The following ENPP6 variants were observed in gnomAD, a reference collection of about 807,000 sequenced individuals.
The protein encoded by ENPP6 is ectonucleotide pyrophosphatase/phosphodiesterase 6.
ENPP6 carries 32 observed loss-of-function variants against 42.0 expected under a neutral mutation model. That is an observed-to-expected ratio of 0.76 (90% confidence interval 0.58 to 1.02). The LOEUF is 1.02. Ranked by LOEUF, ENPP6 falls within the 50% of genes least tolerant of loss-of-function variation. The pLI is 0.00. For missense variants in ENPP6, 552 were observed against 566.8 expected (o/e 0.97, Z 0.27); for synonymous variants, 213 against 216.0 (o/e 0.99, Z 0.12).
intron 2 of ENPP6, among the ~76,000 whole-genome samples, chr4:184,131,236 T>TTTC (rs1736620347): frequency 2.2e-4 from 4 of 18,134 alleles, no homozygotes; most frequent in Non-Finnish European, 3.8e-4. Context: ...CTTTCTTTCC[T>TTTC]TTTCTTTCTT....
intron 1 of ENPP6, among the ~76,000 whole-genome samples, chr4:184,179,526 T>C (rs1249266825): frequency 6.6e-6 from 1 of 152,228 alleles, no homozygotes; most frequent in Non-Finnish European, 1.5e-5. Context: ...GATAGATATC[T>C]ACAGAACTTT....
chr4:184,157,577 T>A (rs371710204), intron 1 of ENPP6, among the ~76,000 whole-genome samples: 1 of 150,868 alleles, frequency 6.6e-6, no homozygotes, highest in South Asian at 2.1e-4. Context: ...TTTCTTTCCT[T>A]TTTTTCCTTC....
intron 1 of ENPP6, among the ~76,000 whole-genome samples, chr4:184,183,360 T>C (rs1732584655): frequency 6.6e-6 from 1 of 152,234 alleles, no homozygotes; most frequent in Non-Finnish European, 1.5e-5. Flanking sequence ...ATGAATATTG[T>C]AAGCGTAGAC....
At chr4:184,105,610 G>A (rs1315166830) in intron 6 of ENPP6, among the ~76,000 whole-genome samples, 2 of 152,124 alleles carry the variant, frequency 1.3e-5, no homozygotes, top group Non-Finnish European at 2.9e-5. Context: ...TGCAGAGAGA[G>A]TGAATTGAGG....
rs142775949 is a variant in ENPP6, at chr4:184,098,957, T to C, written c.994-1589A>G. ...AGCTACCAGCAATTTACAGGTTGGC[T>C]CACAAGACTAGTATCATGTGTTTAG... On this transcript the variant is annotated intron_variant, in intron 6 of 7. Coordinates refer to ENST00000296741, the MANE Select transcript of ENPP6 (RefSeq NM_153343.4). 2.3e-3 allele frequency among the ~76,000 whole-genome samples: 351 copies of C among 152,358 alleles called. 1 individual carries two copies. The Middle Eastern group carries it at 0.024, about 10-fold the overall frequency.
chr4:184,172,945 T>C (rs1257683318), intron 1 of ENPP6, among the ~76,000 whole-genome samples: 1 of 152,116 alleles, frequency 6.6e-6, no homozygotes, highest in Non-Finnish European at 1.5e-5. Context: ...ATGAAGTCTC[T>C]CTCTGTCTCC....
At chr4:184,209,547 A>G (rs1264347142) in intron 1 of ENPP6, among the ~76,000 whole-genome samples, 1 of 151,698 alleles carries the variant, frequency 6.6e-6, no homozygotes, top group Non-Finnish European at 1.5e-5. Flanking sequence ...AAAAGAATAA[A>G]AAGAAATGAG....
chr4:184,113,929 T>TTCTTTCTTTC (rs1187482281), intron 5 of ENPP6, among the ~76,000 whole-genome samples: 17 of 142,046 alleles, frequency 1.2e-4, no homozygotes. Flanking sequence ...CTTTCTTTCT[T>TTCTTTCTTTC]TCTTTCTTTC....
chr4:184,148,209 TG>T (rs1736960015), intron 2 of ENPP6, among the ~76,000 whole-genome samples: 1 of 152,242 alleles, frequency 6.6e-6, no homozygotes, highest in African/African-American at 2.4e-5. Context: ...CTTTTGCTCA[TG>T]GTTGTCTCCT....
chr4:184,092,469 C>G (rs1735824421), intron 7 of ENPP6, among the ~76,000 whole-genome samples: 1 of 152,186 alleles, frequency 6.6e-6, no homozygotes, highest in African/African-American at 2.4e-5. Flanking sequence ...CAAGAACACA[C>G]AGGTAGGGTG....
Position 184,153,570 on chromosome 4 carries a change from G to A in ENPP6, c.405C>T (p.Tyr135=), listed in dbSNP as rs1446055878. Residue 135 remains tyrosine (Y), a synonymous_variant, in exon 2 of 8, where the codon TAC becomes TAT. Coordinates refer to ENST00000296741, the MANE Select transcript of ENPP6 (RefSeq NM_153343.4). The stretch of plus-strand genomic sequence containing the variant: ...CACACTCACCTGGCCAGTAGTACAT[G>A]TAGACCTTCCTTTTGGCCTTGGTCA... ...VTLTKAKRKV[Y]MYYWPGCEVE... 1.2e-6 allele frequency: 2 copies of A among 1,614,006 alleles called. No homozygotes were observed. Among genetic ancestry groups the A allele is most frequent in the South Asian group, 1.1e-5 (1 of 91,034 alleles).
chr4:184,107,214 A>G (rs2111337221), intron 6 of ENPP6, among the ~76,000 whole-genome samples: 1 of 152,354 alleles, frequency 6.6e-6, no homozygotes, highest in South Asian at 2.1e-4. Context: ...TCCAGAAGAC[A>G]GGGAACAGGT....
At position 184,207,487 on chromosome 4, in the gene ENPP6, C is replaced by T. The variant is rs141750186; in HGVS notation, c.241+10092G>A. 1.6e-4 allele frequency among the ~76,000 whole-genome samples: 25 copies of T among 152,320 alleles called. No individual in the cohort carries two copies. The East Asian group carries it at 3.7e-3, about 22-fold the overall frequency. On this transcript the variant is annotated intron_variant, in intron 1 of 7. Transcript: ENST00000296741. ...TTACCCCAAAGGGAGAATAACTTTA[C>T]GAAAAGATCCACGGTAAGATACACT...
chr4:184,138,867 A>G (rs1221591528), intron 2 of ENPP6, among the ~76,000 whole-genome samples: 1 of 152,248 alleles, frequency 6.6e-6, no homozygotes, highest in Non-Finnish European at 1.5e-5. Flanking sequence ...TTATCCCCCA[A>G]CTAAAGCTCT....
At chr4:184,198,009 C>T (rs1732830933) in intron 1 of ENPP6, among the ~76,000 whole-genome samples, 1 of 152,172 alleles carries the variant, frequency 6.6e-6, no homozygotes, top group Non-Finnish European at 1.5e-5. Flanking sequence ...GCGAGAGAGG[C>T]ATCCAGTATG....
chr4:184,102,342 G>A (rs1401664024), intron 6 of ENPP6, among the ~76,000 whole-genome samples: 1 of 152,196 alleles, frequency 6.6e-6, no homozygotes, highest in East Asian at 1.9e-4. Context: ...ACGAGGCGAG[G>A]AGCACTGAGT....
intron 1 of ENPP6, among the ~76,000 whole-genome samples, chr4:184,206,579 G>A (rs1337494284): frequency 6.6e-6 from 1 of 152,058 alleles, no homozygotes. Flanking sequence ...TCTGCAGAAG[G>A]CTGAGGATGT....
chr4:184,173,297 C>T (rs999472170), intron 1 of ENPP6, among the ~76,000 whole-genome samples: 1 of 152,192 alleles, frequency 6.6e-6, no homozygotes, highest in Non-Finnish European at 1.5e-5. Flanking sequence ...AGGTGGGATT[C>T]ATGAATGTGG....
chr4:184,113,889 C>CCTTTCTTTCTTTTCTTT (rs1235950487), intron 5 of ENPP6, among the ~76,000 whole-genome samples: 94 of 146,456 alleles, frequency 6.4e-4, no homozygotes, highest in Middle Eastern at 3.6e-3. Flanking sequence ...CTTTTTCCTT[C>CCTTTCTTTCTTTTCTTT]CTTTCTTTCT....
Sources: gnomAD v4.1 joint callset for allele counts (sites outside exome capture counted in the v4.1 genomes callset) on GRCh38, gnomAD v4.1.1 for gene constraint, MANE v1.5 for transcripts, NCBI Gene and HGNC (gene_info 2026-07-23, HGNC 2026-07-21) for gene names.